The following CDH12 variants were observed in gnomAD, a reference collection of about 807,000 sequenced individuals.
The protein encoded by CDH12 is cadherin 12, also known as cadherin-12.
Under a neutral mutation model 74.1 loss-of-function variants are expected in CDH12, and 41 were observed. That is an observed-to-expected ratio of 0.55 (90% CI 0.43 to 0.72). CDH12 has a LOEUF of 0.72. Among genes scored for constraint, CDH12 ranks in the 30% least tolerant of loss-of-function variants. The pLI, the probability that CDH12 is intolerant of heterozygous loss-of-function variation, is 0.00. For missense variants in CDH12, 945 were observed against 977.2 expected, an observed-to-expected ratio of 0.97 and a Z score of 0.44; for synonymous variants, 399 against 355.0, an observed-to-expected ratio of 1.12 and a Z score of -1.39.
intron 10 of CDH12, among the ~76,000 whole-genome samples, chr5:21,785,594 T>G (rs1746155459): frequency 6.6e-6 from 1 of 152,132 alleles, no homozygotes; most frequent in Non-Finnish European, 1.5e-5. Context: ...ACTTTAGCGG[T>G]CTGGATAGAA....
chr5:22,822,211 C>A (rs182988963), intron 1 of CDH12, among the ~76,000 whole-genome samples: 1,615 of 152,260 alleles, frequency 0.011, 27 homozygotes, highest in African/African-American at 0.037. Context: ...CCCTTCCTTA[C>A]ACCTTATACA....
At chr5:22,065,765 C>A (rs1200850352) in intron 5 of CDH12, among the ~76,000 whole-genome samples, 1 of 152,084 alleles carries the variant, frequency 6.6e-6, no homozygotes, top group Admixed American at 6.6e-5. Flanking sequence ...CAATAGGAAT[C>A]ACTGGATCCT....
chr5:21,909,675 A>G (rs779921993), intron 6 of CDH12, among the ~76,000 whole-genome samples: 1 of 152,212 alleles, frequency 6.6e-6, no homozygotes, highest in Non-Finnish European at 1.5e-5. Context: ...AATAAGGACA[A>G]TTAATGATGC....
At chr5:22,273,607 C>A (rs574839343) in intron 3 of CDH12, among the ~76,000 whole-genome samples, 1 of 152,286 alleles carries the variant, frequency 6.6e-6, no homozygotes, top group South Asian at 2.1e-4. Context: ...CTCTCAGCGT[C>A]TTTTCCGTGC....
At chr5:21,810,941 G>A (rs1455694621) in intron 9 of CDH12, among the ~76,000 whole-genome samples, 8 of 151,884 alleles carry the variant, frequency 5.3e-5, no homozygotes, top group African/African-American at 1.7e-4. Flanking sequence ...TTTGTCAAGC[G>A]TGAAAAAAGA....
At chr5:22,244,800 G>GAA (rs761344442) in intron 3 of CDH12, among the ~76,000 whole-genome samples, 1,244 of 76,942 alleles carry the variant, frequency 0.016, 13 homozygotes, top group Non-Finnish European at 0.033. Flanking sequence ...AAGAAAGAAA[G>GAA]AAAAATTCAA....
At chr5:22,539,640 C>G (rs189607253) in intron 1 of CDH12, among the ~76,000 whole-genome samples, 44 of 152,174 alleles carry the variant, frequency 2.9e-4, no homozygotes, top group African/African-American at 1.0e-3. Context: ...AATCAAGATA[C>G]AGAAAAGTGG....
intron 1 of CDH12, among the ~76,000 whole-genome samples, chr5:22,604,437 A>G (rs1736998793): frequency 1.3e-5 from 2 of 152,222 alleles, no homozygotes; most frequent in Admixed American, 1.3e-4. Context: ...TTGACCTTTC[A>G]GAAATGACTG....
chr5:22,698,138 T>TTTTTTTA (rs1742479426), intron 1 of CDH12, among the ~76,000 whole-genome samples: 3 of 143,062 alleles, frequency 2.1e-5, no homozygotes, highest in Non-Finnish European at 4.6e-5. Flanking sequence ...TTTTTTTTTT[T>TTTTTTTA]GAGATGGAGT....
chr5:22,059,962 T>TA (rs1302939349), intron 5 of CDH12, among the ~76,000 whole-genome samples: 1 of 152,072 alleles, frequency 6.6e-6, no homozygotes, highest in Non-Finnish European at 1.5e-5. Flanking sequence ...AAAATATGTA[T>TA]GTATACTAGA....
chr5:22,572,465 A>G (rs1242477527), intron 1 of CDH12, among the ~76,000 whole-genome samples: 1 of 152,050 alleles, frequency 6.6e-6, no homozygotes, highest in African/African-American at 2.4e-5. Context: ...AGTGGAAGGT[A>G]ATTTTCATAT....
intron 1 of CDH12, among the ~76,000 whole-genome samples, chr5:22,656,490 T>C (rs1426089735): frequency 6.6e-6 from 1 of 152,120 alleles, no homozygotes; most frequent in Non-Finnish European, 1.5e-5. Context: ...AGCATAGACA[T>C]AGTGGAGATA....
intron 1 of CDH12, among the ~76,000 whole-genome samples, chr5:22,694,821 A>G (rs1291465163): frequency 1.3e-5 from 2 of 151,920 alleles, no homozygotes; most frequent in South Asian, 4.1e-4. Context: ...ATATATATAC[A>G]TATATATGTA....
At chr5:22,056,906 G>A (rs529151880) in intron 5 of CDH12, among the ~76,000 whole-genome samples, 1 of 151,970 alleles carries the variant, frequency 6.6e-6, no homozygotes, top group East Asian at 1.9e-4. Flanking sequence ...TGCACCTGCT[G>A]TTATTTTTTT....
intron 7 of CDH12, among the ~76,000 whole-genome samples, chr5:21,852,188 C>G (rs1485581790): frequency 6.6e-6 from 1 of 151,320 alleles, no homozygotes; most frequent in African/African-American, 2.4e-5. Flanking sequence ...AGTTTTCATT[C>G]TCTTAATGAA....
intron 3 of CDH12, among the ~76,000 whole-genome samples, chr5:22,339,216 G>C (rs1739738509): frequency 6.6e-6 from 1 of 152,174 alleles, no homozygotes; most frequent in Non-Finnish European, 1.5e-5. Context: ...AATTTTGTCT[G>C]CATTTTTGCC....
At chr5:22,512,978 A>C (rs1247827480) in intron 1 of CDH12, among the ~76,000 whole-genome samples, 1 of 152,286 alleles carries the variant, frequency 6.6e-6, no homozygotes, top group African/African-American at 2.4e-5. Context: ...CGGAGGTTGC[A>C]GTGAGCCGAG....
At chr5:21,814,701 T>A (rs867660820) in intron 9 of CDH12, among the ~76,000 whole-genome samples, 7 of 150,422 alleles carry the variant, frequency 4.7e-5, no homozygotes, top group Middle Eastern at 0.013. Flanking sequence ...TAGAATTGAA[T>A]CTTTCGTACC....
At chr5:22,248,800 C>T (rs1228350506) in intron 3 of CDH12, among the ~76,000 whole-genome samples, 1 of 152,026 alleles carries the variant, frequency 6.6e-6, no homozygotes, top group East Asian at 1.9e-4. Flanking sequence ...TGGAATTGTA[C>T]TCTCTCACTT....
Sources: allele counts gnomAD v4.1 joint callset (sites outside exome capture counted in the v4.1 genomes callset), GRCh38; gene constraint gnomAD v4.1.1; transcripts MANE v1.5; gene names NCBI Gene and HGNC (gene_info 2026-07-23, HGNC 2026-07-21).